Variants in SYCP2L observed in about 807,000 individuals in gnomAD.
SYCP2L encodes the protein synaptonemal complex protein 2-like.
In SYCP2L, 98 loss-of-function variants were observed where a neutral mutation model predicts 125.8. The observed-to-expected ratio is 0.78, with a 90% CI of 0.66 to 0.92. The LOEUF is 0.92. Among genes scored for constraint, SYCP2L ranks in the 40% least tolerant of loss-of-function variants. The pLI is 0.00. For synonymous variants in SYCP2L, 317 were observed against 325.4 expected (o/e 0.97, Z 0.28); for missense variants, 842 against 936.4 (o/e 0.90, Z 1.32).
At chr6:10,960,239 A>G (rs560933711) in intron 26 of SYCP2L, among the ~76,000 whole-genome samples, 1 of 152,344 alleles carries the variant, frequency 6.6e-6, no homozygotes, top group South Asian at 2.1e-4. Flanking sequence ...TTAGGATGGA[A>G]TACATTATTT....
At chr6:10,923,885 C>T (rs1261794337) in intron 14 of SYCP2L, among the ~76,000 whole-genome samples, 1 of 146,076 alleles carries the variant, frequency 6.8e-6, no homozygotes, top group African/African-American at 2.5e-5. Flanking sequence ...AGGGTTTCAC[C>T]GTGTTAGCCA....
chr6:10,972,907 A>G (rs1017768268), intron 29 of SYCP2L, among the ~76,000 whole-genome samples: 1 of 152,188 alleles, frequency 6.6e-6, no homozygotes, highest in Admixed American at 6.5e-5. Flanking sequence ...CATAGTGGCC[A>G]GAACTAGGTC....
At chr6:10,906,117 G>T in intron 9 of SYCP2L, 63 bp downstream of exon 9, 1 of 948,536 alleles carries the variant, frequency 1.1e-6, no homozygotes. Flanking sequence ...GGTTTTATGA[G>T]CATCTTGGGA....
At chr6:10,923,688 T>TC (rs200179284) in intron 14 of SYCP2L, among the ~76,000 whole-genome samples, 22,385 of 133,604 alleles carry the variant, frequency 0.17, 2,045 homozygotes, top group Middle Eastern at 0.34. Flanking sequence ...TTTTTCTTTT[T>TC]TTTTTTTTTT....
intron 2 of SYCP2L, among the ~76,000 whole-genome samples, chr6:10,893,103 T>C (rs542316508): frequency 4.7e-5 from 7 of 149,060 alleles, no homozygotes; most frequent in Admixed American, 1.3e-4. Flanking sequence ...CGTCCTAGGT[T>C]CAAGCGATTC....
chr6:10,926,536 G>A lies in SYCP2L; in HGVS notation c.1312+104G>A, dbSNP rs189732421. On this transcript the variant is annotated intron_variant, in intron 16 of 29. Transcript: ENST00000283141. ...AAACCTGTGGTCATATGAGTGATGC[G>A]TGTCTGATGGCACTTCTGGAGGAAG... The A allele has an allele frequency of 4.2e-4, 329 of 789,026 alleles. 4 individuals carry two copies. In the Admixed American group the frequency reaches 7.3e-3, roughly 17 times the overall value. The allele number at this position is 789,026 out of a possible 1,614,324, so 48.9% of individuals were successfully genotyped here. A position where few individuals can be genotyped will look rare whatever the true frequency, so the allele number is the denominator to read the frequency against.
intron 18 of SYCP2L, among the ~76,000 whole-genome samples, chr6:10,929,092 A>G (rs1387610065): frequency 6.6e-6 from 1 of 151,758 alleles, no homozygotes; most frequent in Non-Finnish European, 1.5e-5. Flanking sequence ...GGGATTTGCC[A>G]TGTTGGCCAG....
At chr6:10,915,692 T>A (rs1780681944) in intron 14 of SYCP2L, among the ~76,000 whole-genome samples, 1 of 152,220 alleles carries the variant, frequency 6.6e-6, no homozygotes, top group Non-Finnish European at 1.5e-5. Flanking sequence ...TGGTGGATTA[T>A]CTTTTTGATA....
chr6:10,903,355 T>C (rs1780419358), intron 8 of SYCP2L, among the ~76,000 whole-genome samples: 2 of 152,194 alleles, frequency 1.3e-5, no homozygotes, highest in Non-Finnish European at 2.9e-5. Context: ...GAGACCATCC[T>C]GGCTAACACA....
chr6:10,911,278 T>G (rs960341732), intron 12 of SYCP2L, among the ~76,000 whole-genome samples: 4 of 152,114 alleles, frequency 2.6e-5, no homozygotes, highest in African/African-American at 9.7e-5. Flanking sequence ...CCTTTCTCTC[T>G]CTCTCATTCT....
intron 23 of SYCP2L, among the ~76,000 whole-genome samples, chr6:10,950,039 A>G (rs1262935675): frequency 6.6e-6 from 1 of 152,108 alleles, no homozygotes; most frequent in Non-Finnish European, 1.5e-5. Context: ...AAATTTTAAC[A>G]CACACACTTT....
chr6:10,906,089 T>G lies in SYCP2L; in HGVS notation c.676+35T>G, dbSNP rs373340936. 48 of 1,361,746 alleles carry G rather than the reference T, an allele frequency of 3.5e-5. No homozygotes were observed. The African/African-American group carries it at 4.4e-4, about 13-fold the overall frequency. The allele number at this position is 1,361,746 out of a possible 1,614,324, so 84.4% of individuals were successfully genotyped here. A position where few individuals can be genotyped will look rare whatever the true frequency, so the allele number is the denominator to read the frequency against. On this transcript the variant is annotated intron_variant, in intron 9 of 29. Coordinates refer to ENST00000283141, the MANE Select transcript of SYCP2L (RefSeq NM_001040274.3). ...TTTAGAATTTTCAGTATTAGAATATTAAATATTGGACACTGGGGGTTTTAT... is the reference window on the plus strand; with the variant it reads ...TTTAGAATTTTCAGTATTAGAATATGAAATATTGGACACTGGGGGTTTTAT...
chr6:10,923,405 A>T (rs9467943), intron 14 of SYCP2L, among the ~76,000 whole-genome samples: 30,835 of 76,678 alleles, frequency 0.4, 3,562 homozygotes, highest in Non-Finnish European at 0.42. Context: ...TTTTTTTTTG[A>T]GATGGAGGCT....
chr6:10,927,389 C>G (rs746600180), intron 17 of SYCP2L, 22 bp downstream of exon 17: 2 of 1,591,716 alleles, frequency 1.3e-6, no homozygotes, highest in Non-Finnish European at 1.7e-6. Flanking sequence ...TCTATTTTCC[C>G]TAAGCATCGG....
chr6:10,921,190 G>T (rs1280166978), intron 14 of SYCP2L, among the ~76,000 whole-genome samples: 1 of 152,146 alleles, frequency 6.6e-6, no homozygotes, highest in Non-Finnish European at 1.5e-5. Context: ...CTCCATCCAT[G>T]TCCCTGCAAA....
intron 29 of SYCP2L, among the ~76,000 whole-genome samples, chr6:10,964,415 A>G (rs1479948228): frequency 6.6e-6 from 1 of 152,218 alleles, no homozygotes; most frequent in Non-Finnish European, 1.5e-5. Context: ...AAAATGCATG[A>G]GACCAGAAGT....
At chr6:10,915,349 G>A (rs182957176) in intron 14 of SYCP2L, among the ~76,000 whole-genome samples, 1 of 152,066 alleles carries the variant, frequency 6.6e-6, no homozygotes, top group African/African-American at 2.4e-5. Flanking sequence ...TAGGACTTCC[G>A]ATACTATGTT....
intron 14 of SYCP2L, among the ~76,000 whole-genome samples, chr6:10,920,850 T>G (rs1232208181): frequency 6.6e-6 from 1 of 152,040 alleles, no homozygotes; most frequent in Non-Finnish European, 1.5e-5. Context: ...CTTCAACTTT[T>G]AAGTTCATGG....
chr6:10,894,849 G>A (rs1176320072), intron 4 of SYCP2L, among the ~76,000 whole-genome samples: 2 of 152,088 alleles, frequency 1.3e-5, no homozygotes, highest in African/African-American at 2.4e-5. Flanking sequence ...GTTTATTGAC[G>A]AGGAGATGTG....
Sources: gnomAD v4.1 joint callset for allele counts (sites outside exome capture counted in the v4.1 genomes callset) on GRCh38, gnomAD v4.1.1 for gene constraint, MANE v1.5 for transcripts, NCBI Gene and HGNC (gene_info 2026-07-23, HGNC 2026-07-21) for gene names.